Variants in BTN1A1 observed in about 807,000 individuals in gnomAD.
BTN1A1 encodes the protein bK14H9.2 (butyrophilin, subfamily 1, member A1).
A neutral mutation model predicts 33.1 loss-of-function variants in BTN1A1; 26 were observed. The observed-to-expected ratio is 0.79, with a 90% CI of 0.58 to 1.09. BTN1A1 has a LOEUF of 1.09. Ranked by LOEUF, BTN1A1 falls within the 50% of genes least tolerant of loss-of-function variation. The pLI is 0.00. For synonymous variants in BTN1A1, 235 were observed against 256.2 expected (o/e 0.92, Z 0.79); for missense variants, 558 against 655.7 (o/e 0.85, Z 1.63).
intron 3 of BTN1A1, among the ~76,000 whole-genome samples, chr6:26,504,494 A>C (rs1763844732): frequency 6.6e-6 from 1 of 152,100 alleles, no homozygotes; most frequent in South Asian, 2.1e-4. Flanking sequence ...AAAAAAAAAA[A>C]AAACTTTTTT....
chr6:26,509,453 A>C lies in BTN1A1; in HGVS notation c.*279A>C. 1 of 353,604 alleles carries C rather than the reference A, an allele frequency of 2.8e-6. No homozygotes were observed. Among genetic ancestry groups the C allele is most frequent in the Non-Finnish European group, 5.1e-6 (1 of 194,928 alleles). 21.9% of individuals were successfully genotyped at this position (353,604 alleles called of 1,614,324 possible). A position where few individuals can be genotyped will look rare whatever the true frequency, so the allele number is the denominator to read the frequency against. The stretch of plus-strand genomic sequence containing the variant: ...ACCTATAGGAAACTACTTGGAGCAA[A>C]CTCAAAGGACAGATTAGGGATCGAG... On this transcript the variant is annotated 3_prime_UTR_variant, in exon 8 of 8. Transcript: ENST00000684113.
intron 3 of BTN1A1, among the ~76,000 whole-genome samples, chr6:26,504,498 CT>C (rs945978406): frequency 6.7e-6 from 1 of 149,444 alleles, no homozygotes; most frequent in African/African-American, 2.5e-5. Context: ...AAAAAAAAAA[CT>C]TTTTTAGAAA....
At chr6:26,506,306 T>C (rs975701352) in intron 4 of BTN1A1, among the ~76,000 whole-genome samples, 1 of 152,112 alleles carries the variant, frequency 6.6e-6, no homozygotes, top group African/African-American at 2.4e-5. Flanking sequence ...TATTCTTTGG[T>C]CAATGAGTCC....
At chr6:26,506,137 A>AAT (rs10687428) in intron 4 of BTN1A1, among the ~76,000 whole-genome samples, 1 of 151,306 alleles carries the variant, frequency 6.6e-6, no homozygotes, top group Non-Finnish European at 1.5e-5. Context: ...AAAAAAAAAA[A>AAT]AGACTAAGTT....
rs775994770 is a variant in BTN1A1, at chr6:26,501,307, C to A, written c.21C>A (p.Ser7=). 1 of 1,614,120 alleles carries A rather than the reference C, an allele frequency of 6.2e-7. No individual in the cohort carries two copies. Residue 7 remains serine (S), a synonymous_variant, in exon 2 of 8, where the codon TCC becomes TCA. Transcript: ENST00000684113. The surrounding 1 kb of genome is among the most constrained non-coding windows in gnomAD (Gnocchi z 5.2). MAVFPS[S]GLPRCLLTLI... Reference sequence around the variant, plus strand: ...GGGAGATGGCAGTTTTCCCAAGCTCCGGTCTCCCCAGATGTCTGCTCACCC... The same window carrying A: ...GGGAGATGGCAGTTTTCCCAAGCTCAGGTCTCCCCAGATGTCTGCTCACCC...
intron 7 of BTN1A1, among the ~76,000 whole-genome samples, 166 bp downstream of exon 7, chr6:26,508,253 C>T (rs927994298): frequency 1.3e-5 from 2 of 152,140 alleles, no homozygotes; most frequent in African/African-American, 4.8e-5. Context: ...ATAGAGAACC[C>T]TTGGAAGATG....
Position 26,505,008 on chromosome 6 carries a change from C to A in BTN1A1, c.511C>A (p.Pro171Thr). The change falls in exon 4 of 8, where the codon CCA (proline) becomes ACA (threonine). Residue 171 changes from proline to threonine, a missense_variant. Physicochemically the swap from Pro to Thr is conservative, Grantham distance 38. Coordinates refer to ENST00000684113, the MANE Select transcript of BTN1A1 (RefSeq NM_001732.3). Reference protein sequence around the residue: ...CLECTSVGWYPEPQVQWRTSK... With the variant: ...CLECTSVGWYTEPQVQWRTSK... Reference sequence around the variant, plus strand: ...GGAGTGCACCTCAGTGGGATGGTACCCAGAGCCCCAGGTGCAGTGGAGAAC... The same window carrying A: ...GGAGTGCACCTCAGTGGGATGGTACACAGAGCCCCAGGTGCAGTGGAGAAC... 6.2e-7 allele frequency: 1 copy of A among 1,614,078 alleles called. No individual in the cohort carries two copies. Among genetic ancestry groups the A allele is most frequent in the Admixed American group, 1.7e-5 (1 of 60,004 alleles).
intron 3 of BTN1A1, among the ~76,000 whole-genome samples, chr6:26,502,755 C>T (rs1763819871): frequency 6.6e-6 from 1 of 152,132 alleles, no homozygotes; most frequent in African/African-American, 2.4e-5. Context: ...CACTTTAAGG[C>T]TGGCTTATGG....
chr6:26,507,078 A>G (rs1763880205), intron 5 of BTN1A1, among the ~76,000 whole-genome samples: 1 of 152,142 alleles, frequency 6.6e-6, no homozygotes, highest in South Asian at 2.1e-4. Context: ...AAAATTAGCC[A>G]GGCTTATTGG....
intron 5 of BTN1A1, 28 bp downstream of exon 5, chr6:26,506,860 G>A (rs772766819): frequency 6.8e-6 from 11 of 1,611,476 alleles, no homozygotes; most frequent in African/African-American, 4.0e-5. Context: ...CAAGGGCTAC[G>A]TGTCAGGAGT....
chr6:26,508,078 T>G lies in BTN1A1; in HGVS notation c.898T>G (p.Leu300Val). ...TGTTGCAGAATGGAAAAAGGCTACC[T>G]TGCATGCAGGTCAGTGGCTCTGAAC... Reference protein sequence around the residue: ...LEELKWKKATLHAVDVTLDPD... With the variant: ...LEELKWKKATVHAVDVTLDPD... The change falls in exon 7 of 8, where the codon TTG becomes GTG. Residue 300 changes from leucine (L) to valine (V), a missense_variant. Leu to Val is a conservative substitution (Grantham distance 32). Coordinates refer to ENST00000684113, the MANE Select transcript of BTN1A1 (RefSeq NM_001732.3). The G allele has an allele frequency of 1.2e-6, 2 of 1,612,490 alleles. No individual in the cohort carries two copies. The highest frequency in any genetic ancestry group is 1.7e-6 in the Non-Finnish European group (2 of 1,179,504).
rs770576601 is a variant in BTN1A1, at chr6:26,508,811, C to T, written c.1218C>T (p.Leu406=). Residue 406 remains leucine (L), a synonymous_variant, in exon 8 of 8, where the codon CTC becomes CTT. Transcript: ENST00000684113. The part of the protein sequence containing the change: ...VELYGNGYWA[L]TPLRTPLPLA... ...TGTATGGAAATGGGTACTGGGCCCT[C>T]ACTCCTCTCCGGACCCCTCTCCCAT... 1 of 1,614,188 alleles carries T rather than the reference C, an allele frequency of 6.2e-7. No individual in the cohort carries two copies. The highest frequency in any genetic ancestry group is 8.5e-7 in the Non-Finnish European group (1 of 1,180,028).
chr6:26,506,586 A>G (rs867292390), intron 4 of BTN1A1, 97 bp from the exon 5 acceptor site: 1 of 1,328,418 alleles, frequency 7.5e-7, no homozygotes, highest in Middle Eastern at 2.7e-4. Context: ...AGAGTGGTCC[A>G]GGCCATCACC....
Position 26,506,791 on chromosome 6 carries a change from A to G in BTN1A1, c.818A>G (p.Asn273Ser). 1 of 1,614,170 alleles carries G rather than the reference A, an allele frequency of 6.2e-7. No homozygotes were observed. Among genetic ancestry groups the G allele is most frequent in the Non-Finnish European group, 8.5e-7 (1 of 1,180,022 alleles). The change falls in exon 5 of 8, where the codon AAC becomes AGC. Residue 273 changes from asparagine to serine, a missense_variant. By Grantham distance (46) the Asn-to-Ser change is conservative. Coordinates refer to ENST00000684113, the MANE Select transcript of BTN1A1 (RefSeq NM_001732.3). ...ATATTTTTCACTTGGAGACTATACA[A>G]CGAAAGACCCAGAGAGAGGAGGAAT... is the stretch of plus-strand genomic sequence containing the variant. The part of the protein sequence containing the change: ...GSIFFTWRLY[N>S]ERPRERRNEF...
At chr6:26,507,038 T>C (rs1337007378) in intron 5 of BTN1A1, among the ~76,000 whole-genome samples, 2 of 152,108 alleles carry the variant, frequency 1.3e-5, no homozygotes, top group Non-Finnish European at 2.9e-5. Flanking sequence ...CCGGCCAACA[T>C]GGCAAAACTC....
rs1246209037 is a variant in BTN1A1, at chr6:26,503,384, C to T, written c.427+1447C>T. ...AATCCCAGCTACTCAAGGAAAATCG[C>T]TTGAACCTGGGAGGCAGAGGTTGCA... On this transcript the variant is annotated intron_variant, in intron 3 of 7. Transcript: ENST00000684113. 4.0e-5 allele frequency among the ~76,000 whole-genome samples: 6 copies of T among 151,604 alleles called. No homozygotes were observed. In the South Asian group the frequency reaches 1.3e-3, roughly 32 times the overall value.
intron 3 of BTN1A1, among the ~76,000 whole-genome samples, chr6:26,502,885 G>A (rs1763821696): frequency 6.6e-6 from 1 of 152,044 alleles, no homozygotes; most frequent in Non-Finnish European, 1.5e-5. Flanking sequence ...GAATTCAAAG[G>A]GAAACAATAA....
chr6:26,502,576 T>A (rs933582335), intron 3 of BTN1A1, among the ~76,000 whole-genome samples: 1 of 152,242 alleles, frequency 6.6e-6, no homozygotes, highest in Non-Finnish European at 1.5e-5. Context: ...CAGCCCTTTT[T>A]CAATAATAGG....
At chr6:26,500,800 A>G (rs1763788686) in intron 1 of BTN1A1, among the ~76,000 whole-genome samples, 1 of 152,112 alleles carries the variant, frequency 6.6e-6, no homozygotes, top group Non-Finnish European at 1.5e-5. Context: ...CTGTAGTCCC[A>G]GCTACTCCGG....
Sources: allele counts gnomAD v4.1 joint callset (sites outside exome capture counted in the v4.1 genomes callset), GRCh38; gene constraint gnomAD v4.1.1; non-coding constraint Gnocchi (gnomAD v3.1); transcripts MANE v1.5; gene names NCBI Gene and HGNC (gene_info 2026-07-23, HGNC 2026-07-21).